The following ZBTB45 variants were observed in gnomAD, a reference collection of about 807,000 sequenced individuals.
ZBTB45 encodes zinc finger and BTB domain containing 45, also known as zinc finger and BTB domain-containing protein 45.
A neutral mutation model predicts 28.4 loss-of-function variants in ZBTB45; 22 were observed. The ratio of observed to expected loss-of-function variants is 0.77; its 90% confidence interval spans 0.55 to 1.10. The LOEUF (loss-of-function observed/expected upper bound fraction) is 1.10, where lower values mean the gene tolerates loss of function less well. ZBTB45 is among the 50% of genes least tolerant of loss of function. The pLI is 0.00. For missense variants in ZBTB45, 656 were observed against 750.2 expected (o/e 0.87, Z 1.47); for synonymous variants, 361 against 332.3 (o/e 1.09, Z -0.94).
At chr19:58,518,928 C>T (rs532403199) in intron 1 of ZBTB45, 2 of 152,252 alleles carry the variant, frequency 1.3e-5, no homozygotes, top group African/African-American at 4.8e-5. Context: ...ACCCCTCCGA[C>T]TCCTTATGCC....
chr19:58,528,117 C>T (rs1287096474), intron 1 of ZBTB45, among the ~76,000 whole-genome samples: 4 of 152,156 alleles, frequency 2.6e-5, no homozygotes, highest in African/African-American at 9.7e-5. Flanking sequence ...GTGCCAGCAA[C>T]GTGCATCAGC....
chr19:58,518,505 G>C (rs895834497), intron 1 of ZBTB45, among the ~76,000 whole-genome samples: 1 of 152,120 alleles, frequency 6.6e-6, no homozygotes, highest in Admixed American at 6.6e-5. Flanking sequence ...TGGGGCCCAG[G>C]GTGTGGGTGT....
chr19:58,525,253 T>C (rs1318899588), intron 1 of ZBTB45, among the ~76,000 whole-genome samples: 2 of 152,098 alleles, frequency 1.3e-5, no homozygotes, highest in East Asian at 1.9e-4. Context: ...CCCATCCTAG[T>C]GGGTTTGGGT....
chr19:58,538,873 G>C (rs930142115), exon 1 of ZBTB45: 1 of 152,102 alleles, frequency 6.6e-6, no homozygotes, highest in African/African-American at 2.4e-5. Context: ...CCACCCCCCC[G>C]GGGCCAGCCT....
chr19:58,536,506 G>T (rs986857922), intron 1 of ZBTB45, among the ~76,000 whole-genome samples: 1 of 149,826 alleles, frequency 6.7e-6, no homozygotes, highest in Non-Finnish European at 1.5e-5. Flanking sequence ...ATCCGGGCGT[G>T]GTAGTGGGCA....
chr19:58,523,951 G>T (rs2053591918), upstream of ZBTB45, among the ~76,000 whole-genome samples: 1 of 143,110 alleles, frequency 7.0e-6, no homozygotes, highest in Non-Finnish European at 1.5e-5. Context: ...GCAGGGGCCT[G>T]TAGTCCCAGC....
rs1247070595 is a variant in ZBTB45, at chr19:58,515,006, C to A, written c.1280-696G>T. Among the ~76,000 whole-genome samples the A allele has an allele frequency of 6.6e-6, 1 of 152,122 alleles. No individual in the cohort carries two copies. Among genetic ancestry groups the A allele is most frequent in the Non-Finnish European group, 1.5e-5 (1 of 68,040 alleles). ...GGGAGGGGAGGCAGTCTGAGTCCAC[C>A]CCTAGATTCATCAGATGTTAACAAA... On this transcript the variant is annotated intron_variant, in intron 2 of 2. Transcript: ENST00000594051. The surrounding 1 kb of genome is among the most constrained non-coding windows in gnomAD (Gnocchi z 4.7).
Position 58,515,183 on chromosome 19 carries a change from G to A in ZBTB45, c.1280-873C>T, listed in dbSNP as rs2053475646. Among the ~76,000 whole-genome samples the A allele has an allele frequency of 1.3e-5, 2 of 152,022 alleles. No individual in the cohort carries two copies. Among genetic ancestry groups the A allele is most frequent in the African/African-American group, 4.8e-5 (2 of 41,360 alleles). ...ATACAAAAAATAGCCGGGTGTGGTG[G>A]TGCACGCCTGTAATCCCAGCTACTT... is the stretch of plus-strand genomic sequence containing the variant. On this transcript the variant is annotated intron_variant, in intron 2 of 2. Coordinates refer to ENST00000594051, the MANE Select transcript of ZBTB45 (RefSeq NM_001316979.2). This position sits in a 1 kb window ranked among gnomAD's most constrained non-coding sequence, Gnocchi z 4.7.
chr19:58,517,792 G>A (rs45452491), intron 1 of ZBTB45, 119 bp from the exon 2 acceptor site: 38,182 of 893,910 alleles, frequency 0.043, 970 homozygotes, highest in Non-Finnish European at 0.051. Flanking sequence ...ACTCCAAGGC[G>A]CGCTAACCCA....
chr19:58,538,482 T>C (rs1320466121), intron 1 of ZBTB45, among the ~76,000 whole-genome samples: 2 of 151,268 alleles, frequency 1.3e-5, no homozygotes, highest in African/African-American at 4.9e-5. Flanking sequence ...ATGCCGCGGA[T>C]GGGGTGGGCC....
intron 1 of ZBTB45, among the ~76,000 whole-genome samples, chr19:58,536,095 G>C (rs1182176580): frequency 6.6e-6 from 1 of 150,580 alleles, no homozygotes; most frequent in African/African-American, 2.4e-5. Flanking sequence ...TTTTTTTTTT[G>C]AGATGGAGTT....
Position 58,515,489 on chromosome 19 carries a change from C to T in ZBTB45, c.1279+906G>A, listed in dbSNP as rs2053480562. On this transcript the variant is annotated intron_variant, in intron 2 of 2. Coordinates refer to ENST00000594051, the MANE Select transcript of ZBTB45 (RefSeq NM_001316979.2). This position sits in a 1 kb window ranked among gnomAD's most constrained non-coding sequence, Gnocchi z 4.7. The stretch of plus-strand genomic sequence containing the variant: ...AGTTCCCTGGAGACTAATCACCCAA[C>T]TCCCTTATTCCCAGGCCCCTGGCTT... 6.6e-6 allele frequency among the ~76,000 whole-genome samples: 1 copy of T among 152,040 alleles called. No individual in the cohort carries two copies.
upstream of ZBTB45, among the ~76,000 whole-genome samples, chr19:58,524,644 G>C (rs1463295075): frequency 6.6e-6 from 1 of 152,020 alleles, no homozygotes; most frequent in Non-Finnish European, 1.5e-5. Context: ...AGCACTTTGG[G>C]AGGCCGAGGC....
At position 58,516,874 on chromosome 19, in the gene ZBTB45, C is replaced by T; in HGVS notation, c.800G>A (p.Gly267Asp). ...PAPTGLADYS[G>D]AGRDFLRGAG... ...TCCCCGAAGAAAATCTCTCCCGGCACCACTGTAGTCAGCGAGGCCAGTGGG... is the reference window on the plus strand; with the variant it reads ...TCCCCGAAGAAAATCTCTCCCGGCATCACTGTAGTCAGCGAGGCCAGTGGG... The change falls in exon 2 of 3, where the codon GGT becomes GAT. Residue 267 changes from glycine to aspartate, a missense_variant. Physicochemically the swap from Gly to Asp is moderately conservative, Grantham distance 94. Around this residue, in one of 3 missense-constraint regions of ZBTB45, gnomAD observed 448 missense variants for 444.3 expected, o/e 1.01. Coordinates refer to ENST00000594051, the MANE Select transcript of ZBTB45 (RefSeq NM_001316979.2). The surrounding 1 kb of genome is among the most constrained non-coding windows in gnomAD (Gnocchi z 6.2). 1 of 1,613,384 alleles carries T rather than the reference C, an allele frequency of 6.2e-7. No individual in the cohort carries two copies. The highest frequency in any genetic ancestry group is 8.5e-7 in the Non-Finnish European group (1 of 1,180,016).
At chr19:58,519,892 ATTT>A (rs1297255317), upstream of ZBTB45, 1 of 152,162 alleles carries the variant, frequency 6.6e-6, no homozygotes, top group Admixed American at 6.5e-5. Flanking sequence ...CGTTTCCGGT[ATTT>A]TTATGGCGAT....
chr19:58,517,569 C>G lies in ZBTB45; in HGVS notation c.105G>C (p.Val35=). The G allele has an allele frequency of 1.9e-6, 3 of 1,613,862 alleles. No individual in the cohort carries two copies. The highest frequency in any genetic ancestry group is 2.5e-6 in the Non-Finnish European group (3 of 1,179,982). The change falls in exon 2 of 3, where the codon GTG becomes GTC. Residue 35 remains valine (V), a synonymous_variant. Coordinates refer to ENST00000594051, the MANE Select transcript of ZBTB45 (RefSeq NM_001316979.2). ...GCGAAGCTTCACGAATGCGCACAGT[C>G]ACGTCACAGAAGTGTCCCCCAAGCC... is the stretch of plus-strand genomic sequence containing the variant. ...GQRLGGHFCD[V]TVRIREASLR... is the part of the protein sequence containing the mutation.
chr19:58,519,065 C>A (rs929242307), intron 1 of ZBTB45: 1 of 152,688 alleles, frequency 6.5e-6, no homozygotes, highest in South Asian at 2.1e-4. Flanking sequence ...AGAAACCTGG[C>A]TGGTGTCTCT....
chr19:58,538,037 C>T (rs1036986941), intron 1 of ZBTB45, among the ~76,000 whole-genome samples: 2 of 151,920 alleles, frequency 1.3e-5, no homozygotes, highest in Non-Finnish European at 2.9e-5. Context: ...GGGGTTTCAT[C>T]ATATTGGTCA....
At chr19:58,538,148 T>A (rs1358780141) in intron 1 of ZBTB45, among the ~76,000 whole-genome samples, 3 of 151,890 alleles carry the variant, frequency 2.0e-5, no homozygotes, top group Middle Eastern at 3.4e-3. Context: ...ACAGCAAATA[T>A]TCCTAAAGGA....
Sources: gnomAD v4.1 joint callset for allele counts (sites outside exome capture counted in the v4.1 genomes callset) on GRCh38, gnomAD v4.1.1 for gene constraint, gnomAD v4.1.1 regional missense constraint, Gnocchi (gnomAD v3.1) non-coding constraint, MANE v1.5 for transcripts, NCBI Gene and HGNC (gene_info 2026-07-23, HGNC 2026-07-21) for gene names.